Variants in RNF217 observed in about 807,000 individuals in gnomAD.
The protein encoded by RNF217 is E3 ubiquitin-protein ligase RNF217.
RNF217 carries 31 observed loss-of-function variants against 57.8 expected under a neutral mutation model. The observed-to-expected ratio is 0.54, with a 90% CI of 0.40 to 0.72. The LOEUF (loss-of-function observed/expected upper bound fraction) is 0.72, where lower values mean the gene tolerates loss of function less well. Among genes scored for constraint, RNF217 ranks in the 30% least tolerant of loss-of-function variants. The pLI, the probability that RNF217 is intolerant of heterozygous loss-of-function variation, is 0.00. For synonymous variants in RNF217, 313 were observed against 294.0 expected (o/e 1.06, Z -0.66); for missense variants, 696 against 708.3 (o/e 0.98, Z 0.20).
At position 125,088,261 on chromosome 6, in the gene RNF217, A is replaced by C. The variant is rs573892552; in HGVS notation, c.*5324A>C. 1.3e-5 allele frequency: 2 copies of C among 152,220 alleles called. No individual in the cohort carries two copies. Among genetic ancestry groups the C allele is most frequent in the Non-Finnish European group, 2.9e-5 (2 of 68,002 alleles). The allele number at this position is 152,220 out of a possible 1,614,324, so 9.4% of individuals were successfully genotyped here. Reference sequence around the variant, plus strand: ...ATCAGAACAAAATCAGAGTTCCAAAATTTGGGGAGTATTTTAAGATTGTGA... The same window carrying C: ...ATCAGAACAAAATCAGAGTTCCAAACTTTGGGGAGTATTTTAAGATTGTGA... On this transcript the variant is annotated 3_prime_UTR_variant, in exon 6 of 6. Transcript: ENST00000521654.
At chr6:125,059,980 A>T (rs1417412165) in intron 3 of RNF217, among the ~76,000 whole-genome samples, 2 of 152,120 alleles carry the variant, frequency 1.3e-5, no homozygotes, top group African/African-American at 2.4e-5. Context: ...GTCATATTTT[A>T]TGATGTGTTT....
At chr6:125,003,732 A>G (rs929405012) in intron 1 of RNF217, among the ~76,000 whole-genome samples, 1 of 152,148 alleles carries the variant, frequency 6.6e-6, no homozygotes, top group Admixed American at 6.6e-5. Context: ...TTTTAAAAAT[A>G]CAGGTAGTTA....
At chr6:124,988,264 G>C (rs2115034497) in intron 1 of RNF217, among the ~76,000 whole-genome samples, 1 of 152,228 alleles carries the variant, frequency 6.6e-6, no homozygotes, top group South Asian at 2.1e-4. Context: ...CCAGTCCCTA[G>C]TGCCAAAAAG....
intron 3 of RNF217, among the ~76,000 whole-genome samples, chr6:125,064,610 A>G (rs1336680980): frequency 6.6e-6 from 1 of 152,208 alleles, no homozygotes; most frequent in Non-Finnish European, 1.5e-5. Flanking sequence ...AAAATGAAGA[A>G]GTAAAAGAGG....
chr6:125,023,291 C>A (rs532034425), intron 1 of RNF217, among the ~76,000 whole-genome samples: 1 of 152,164 alleles, frequency 6.6e-6, no homozygotes, highest in Non-Finnish European at 1.5e-5. Context: ...ATGATTGAGG[C>A]ATAGCCTGCA....
rs146620310 is a variant in RNF217, at chr6:125,024,644, C to T, written c.883-20567C>T. On this transcript the variant is annotated intron_variant, in intron 1 of 5. Coordinates refer to ENST00000521654, the MANE Select transcript of RNF217 (RefSeq NM_001286398.3). ...GAGGCACGAGAGAATCTCTTGAGCC[C>T]GGGAGGCAGAGGTCGCAGTGAGCCA... 3.1e-3 allele frequency among the ~76,000 whole-genome samples: 467 copies of T among 149,786 alleles called. 1 individual carries two copies. The highest frequency in any genetic ancestry group is 5.1e-3 in the Non-Finnish European group (342 of 67,694).
At chr6:124,997,606 TCTCA>T (rs1784801754) in intron 1 of RNF217, among the ~76,000 whole-genome samples, 1 of 152,128 alleles carries the variant, frequency 6.6e-6, no homozygotes. Flanking sequence ...CAGTTAAATC[TCTCA>T]CTCCTGCAAA....
intron 4 of RNF217, 27 bp from the exon 5 acceptor site, chr6:125,081,409 T>C (rs1312416021): frequency 1.3e-6 from 2 of 1,588,744 alleles, no homozygotes; most frequent in Admixed American, 3.4e-5. Context: ...TAAGACTCCT[T>C]AAATAATTTT....
In RNF217 at chr6:125,013,550, GA is replaced by G. The variant is rs142124188; in HGVS notation, c.883-31649del. Among the ~76,000 whole-genome samples the G allele has an allele frequency of 3.5e-3, 510 of 145,564 alleles. 2 individuals are homozygous for G. Among genetic ancestry groups the G allele is most frequent in the African/African-American group, 0.011 (419 of 39,534 alleles). ...AGCCCTGAGGCCAGAATATGTCTGG[GA>G]AAAAAAAAAAAGTAGTCTGAAAGCT... On this transcript the variant is annotated intron_variant, in intron 1 of 5. Coordinates refer to ENST00000521654, the MANE Select transcript of RNF217 (RefSeq NM_001286398.3).
chr6:125,056,399 C>T (rs1001826368), intron 2 of RNF217, among the ~76,000 whole-genome samples: 5 of 152,190 alleles, frequency 3.3e-5, no homozygotes, highest in Admixed American at 3.3e-4. Flanking sequence ...TATCATTGAA[C>T]AGAATTTTAA....
chr6:125,058,166 A>G (rs185505982), intron 3 of RNF217, 60 bp downstream of exon 3: 8 of 1,403,594 alleles, frequency 5.7e-6, no homozygotes, highest in African/African-American at 1.4e-5. Flanking sequence ...ACTGAACAAT[A>G]TTTACATTAT....
Position 125,083,831 on chromosome 6 carries a change from A to G in RNF217, c.*894A>G, listed in dbSNP as rs1234259152. 1 of 152,114 alleles carries G rather than the reference A, an allele frequency of 6.6e-6. No individual in the cohort carries two copies. The highest frequency in any genetic ancestry group is 1.5e-5 in the Non-Finnish European group (1 of 67,984). The allele number at this position is 152,114 out of a possible 1,614,324, so 9.4% of individuals were successfully genotyped here. A position where few individuals can be genotyped will look rare whatever the true frequency, so the allele number is the denominator to read the frequency against. On this transcript the variant is annotated 3_prime_UTR_variant, in exon 6 of 6. Coordinates refer to ENST00000521654, the MANE Select transcript of RNF217 (RefSeq NM_001286398.3). ...GTATTAAGCTTTGTAAACTGACAAA[A>G]CTGGCTGCTTTTAGGAAATTCTCAA...
rs995819172 is a variant in RNF217, at chr6:125,037,130, A to G, written c.883-8081A>G. Reference sequence around the variant, plus strand: ...CCTGTAGTGTTCATATGGAAGTGGTATTGTTCTATTCTCTTTTCTGTTCCA... The same window carrying G: ...CCTGTAGTGTTCATATGGAAGTGGTGTTGTTCTATTCTCTTTTCTGTTCCA... On this transcript the variant is annotated intron_variant, in intron 1 of 5. Transcript: ENST00000521654. Among the ~76,000 whole-genome samples, 6 of 149,414 alleles carry G rather than the reference A, an allele frequency of 4.0e-5. No homozygotes were observed. The Admixed American group carries it at 4.0e-4, about 10-fold the overall frequency.
chr6:125,056,950 C>T lies in RNF217; in HGVS notation c.1117-992C>T, dbSNP rs577222773. On this transcript the variant is annotated intron_variant, in intron 2 of 5. Transcript: ENST00000521654. ...TATTCATATTAAACTTACACGTGCACTGTCATATACCCCTCCACATAGTGA... is the reference window on the plus strand; with the variant it reads ...TATTCATATTAAACTTACACGTGCATTGTCATATACCCCTCCACATAGTGA... Among the ~76,000 whole-genome samples, 4 of 152,328 alleles carry T rather than the reference C, an allele frequency of 2.6e-5. No homozygotes were observed. The South Asian group carries it at 8.3e-4, about 32-fold the overall frequency.
intron 1 of RNF217, among the ~76,000 whole-genome samples, chr6:125,044,609 C>T (rs936568869): frequency 6.6e-6 from 1 of 152,034 alleles, no homozygotes; most frequent in African/African-American, 2.4e-5. Flanking sequence ...CATTTTCTTA[C>T]TTGTTCCTAT....
At chr6:125,053,546 T>G (rs1787408291) in intron 2 of RNF217, among the ~76,000 whole-genome samples, 1 of 152,130 alleles carries the variant, frequency 6.6e-6, no homozygotes, top group Non-Finnish European at 1.5e-5. Flanking sequence ...AAAATAATGA[T>G]GTGTATAGGG....
intron 1 of RNF217, among the ~76,000 whole-genome samples, chr6:125,011,803 C>T (rs551777669): frequency 2.6e-5 from 4 of 151,882 alleles, no homozygotes; most frequent in South Asian, 2.1e-4. Flanking sequence ...TTTCTTTGCT[C>T]ATTTTCCTCT....
chr6:124,971,663 C>T lies in RNF217; in HGVS notation c.882+8237C>T, dbSNP rs545167404. On this transcript the variant is annotated intron_variant, in intron 1 of 5. Transcript: ENST00000521654. ...TAGAGATGGGGTTTCACCATGTTGG[C>T]CAGGATGGTCTTGATCTCTTGACCT... 91 of 167,684 alleles carry T rather than the reference C, an allele frequency of 5.4e-4. No individual in the cohort carries two copies. The South Asian group carries it at 0.01, about 19-fold the overall frequency. The allele number at this position is 167,684 out of a possible 1,614,324, so 10.4% of individuals were successfully genotyped here.
intron 1 of RNF217, among the ~76,000 whole-genome samples, chr6:125,006,529 T>G (rs1287814683): frequency 6.6e-6 from 1 of 152,254 alleles, no homozygotes; most frequent in Non-Finnish European, 1.5e-5. Flanking sequence ...TTTTCAAATT[T>G]GCTTCATAAA....
Sources: allele counts gnomAD v4.1 joint callset (sites outside exome capture counted in the v4.1 genomes callset), GRCh38; gene constraint gnomAD v4.1.1; transcripts MANE v1.5; gene names NCBI Gene and HGNC (gene_info 2026-07-23, HGNC 2026-07-21).